The following AP3S2 variants were observed in gnomAD, a reference collection of about 807,000 sequenced individuals.
AP3S2 encodes the protein AP-3 complex subunit sigma-2.
A neutral mutation model predicts 23.4 loss-of-function variants in AP3S2; 22 were observed. The observed-to-expected ratio is 0.94, with a 90% CI of 0.67 to 1.34. AP3S2 has a LOEUF of 1.34. Ranked by LOEUF, AP3S2 falls within the 40% of genes most tolerant of loss-of-function variation. The pLI is 0.00. For synonymous variants in AP3S2, 86 were observed against 87.1 expected (o/e 0.99, Z 0.07); for missense variants, 241 against 236.9 (o/e 1.02, Z -0.11).
rs541098152 is a variant in AP3S2 at position 89,882,032 on chromosome 15, G to A, written c.273+6489C>T. ...AGACAGGGTTTCACCATGTTAGCCA[G>A]GCTGGTCTTGAACTCCTGACCTCAG... On this transcript the variant is annotated intron_variant, in intron 3 of 5. Transcript: ENST00000336418. Among the ~76,000 whole-genome samples, 150 of 152,186 alleles carry A rather than the reference G, an allele frequency of 9.9e-4. 1 individual carries two copies. Among genetic ancestry groups the A allele is most frequent in the African/African-American group, 3.5e-3 (145 of 41,524 alleles).
chr15:89,849,200 A>AT (rs1179847220), intron 4 of AP3S2, among the ~76,000 whole-genome samples: 2 of 152,222 alleles, frequency 1.3e-5, no homozygotes, highest in African/African-American at 4.8e-5. Flanking sequence ...AGACAAAACA[A>AT]TATGCATGAA....
chr15:89,875,325 T>G (rs1046120900), intron 3 of AP3S2, among the ~76,000 whole-genome samples: 2 of 152,204 alleles, frequency 1.3e-5, no homozygotes, highest in African/African-American at 4.8e-5. Context: ...CAAGATGGAC[T>G]AGCCCCAGAA....
chr15:89,865,006 A>G (rs1312490266), intron 4 of AP3S2, among the ~76,000 whole-genome samples: 1 of 152,206 alleles, frequency 6.6e-6, no homozygotes. Context: ...ATGCCAGTAC[A>G]TACCTACTAG....
At chr15:89,871,595 A>G in intron 3 of AP3S2, 49 bp from the exon 4 acceptor site, 2 of 1,586,188 alleles carry the variant, frequency 1.3e-6, no homozygotes, top group South Asian at 2.2e-5. Flanking sequence ...GAACACATTC[A>G]CAGCTTTATC....
At chr15:89,839,533 ATT>A (rs1895275509) in intron 4 of AP3S2, among the ~76,000 whole-genome samples, 2 of 152,374 alleles carry the variant, frequency 1.3e-5, no homozygotes, top group Non-Finnish European at 2.9e-5. Flanking sequence ...TGGTTTTAAA[ATT>A]ATTCCCTGGG....
intron 4 of AP3S2, among the ~76,000 whole-genome samples, chr15:89,852,192 A>C (rs1257516242): frequency 2.0e-5 from 3 of 152,178 alleles, no homozygotes; most frequent in African/African-American, 7.2e-5. Context: ...AATGGGGAGA[A>C]CCAGAGTTCT....
At chr15:89,862,998 A>G (rs1180611441) in intron 4 of AP3S2, among the ~76,000 whole-genome samples, 1 of 152,200 alleles carries the variant, frequency 6.6e-6, no homozygotes, top group Non-Finnish European at 1.5e-5. Context: ...GAGAGGTGAG[A>G]GATGACTGAC....
rs1458291294 is a variant in AP3S2 at position 89,831,214 on chromosome 15, C to T, written c.*4301G>A. On this transcript the variant is annotated 3_prime_UTR_variant, in exon 6 of 6. Coordinates refer to ENST00000336418, the MANE Select transcript of AP3S2 (RefSeq NM_005829.5). The stretch of plus-strand genomic sequence containing the variant: ...TCGTATCTGCCAACTTCCACTGAAA[C>T]ACGCAGATGGAGAACCCTCCAGTGC... 1 of 152,210 alleles carries T rather than the reference C, an allele frequency of 6.6e-6. No homozygotes were observed. Among genetic ancestry groups the T allele is most frequent in the East Asian group, 1.9e-4 (1 of 5,192 alleles). 9.4% of individuals were successfully genotyped at this position (152,210 alleles called of 1,614,324 possible).
chr15:89,856,079 G>T (rs892820175), intron 4 of AP3S2, among the ~76,000 whole-genome samples: 7 of 151,958 alleles, frequency 4.6e-5, no homozygotes, highest in Non-Finnish European at 8.8e-5. Context: ...GGTAGAGTCA[G>T]AAGCCCACAA....
rs1204790406 is a variant in AP3S2 at position 89,834,805 on chromosome 15, C to T, written c.*710G>A. 2 of 151,770 alleles carry T rather than the reference C, an allele frequency of 1.3e-5. No individual in the cohort carries two copies. Among genetic ancestry groups the T allele is most frequent in the African/African-American group, 4.9e-5 (2 of 41,220 alleles). The allele number at this position is 151,770 out of a possible 1,614,324, so 9.4% of individuals were successfully genotyped here. On this transcript the variant is annotated 3_prime_UTR_variant, in exon 6 of 6. Coordinates refer to ENST00000336418, the MANE Select transcript of AP3S2 (RefSeq NM_005829.5). ...ATCCCAGCTACTGGGGAGGCTGAGA[C>T]AGGAGAAATGCTTGAACCCGGGAAG... is the stretch of plus-strand genomic sequence containing the variant.
At chr15:89,877,315 T>C (rs1896465624) in intron 3 of AP3S2, 6 of 1,324,924 alleles carry the variant, frequency 4.5e-6, no homozygotes, top group Non-Finnish European at 6.0e-6. Flanking sequence ...CTTTTAAGGT[T>C]TGGGAACTTA....
intron 4 of AP3S2, among the ~76,000 whole-genome samples, chr15:89,842,610 ATTTATT>A (rs1038113211): frequency 4.1e-5 from 6 of 146,474 alleles, no homozygotes; most frequent in East Asian, 3.8e-4. Flanking sequence ...CAAGGACTTT[ATTTATT>A]TTTATTTTTA....
intron 4 of AP3S2, among the ~76,000 whole-genome samples, chr15:89,869,124 A>G (rs1008662880): frequency 3.9e-5 from 6 of 152,328 alleles, no homozygotes; most frequent in Admixed American, 6.5e-5. Context: ...TTTGTGGAAC[A>G]GAAAGGCGGG....
At chr15:89,876,701 A>G (rs1425302517) in intron 3 of AP3S2, 1 of 153,270 alleles carries the variant, frequency 6.5e-6, no homozygotes, top group Non-Finnish European at 1.5e-5. Context: ...AGCTGGGAGG[A>G]TGGACTAGGC....
chr15:89,856,481 A>G (rs1464882991), intron 4 of AP3S2, among the ~76,000 whole-genome samples: 1 of 151,942 alleles, frequency 6.6e-6, no homozygotes, highest in East Asian at 1.9e-4. Context: ...TGGACAGAGC[A>G]TGAGGTCAGA....
intron 3 of AP3S2, among the ~76,000 whole-genome samples, chr15:89,887,528 C>T (rs1428810545): frequency 6.6e-6 from 1 of 151,706 alleles, no homozygotes; most frequent in East Asian, 1.9e-4. Flanking sequence ...CGTGCCACTA[C>T]GCCCGGCTAA....
chr15:89,857,768 C>T (rs1250836215), intron 4 of AP3S2, among the ~76,000 whole-genome samples: 1 of 152,116 alleles, frequency 6.6e-6, no homozygotes, highest in Non-Finnish European at 1.5e-5. Context: ...CATGAAAAAA[C>T]CATGGTCATC....
At chr15:89,855,579 T>C (rs2141858268) in intron 4 of AP3S2, among the ~76,000 whole-genome samples, 1 of 142,946 alleles carries the variant, frequency 7.0e-6, no homozygotes, top group Non-Finnish European at 1.5e-5. Flanking sequence ...CCAGCTGTGG[T>C]GGCTCACGAC....
chr15:89,862,366 G>A (rs1166980620), intron 4 of AP3S2, among the ~76,000 whole-genome samples: 5 of 152,124 alleles, frequency 3.3e-5, no homozygotes, highest in Non-Finnish European at 1.5e-5. Flanking sequence ...TAATTGTGTT[G>A]TGCATCATTA....
Sources: allele counts gnomAD v4.1 joint callset (sites outside exome capture counted in the v4.1 genomes callset), GRCh38; gene constraint gnomAD v4.1.1; transcripts MANE v1.5; gene names NCBI Gene and HGNC (gene_info 2026-07-23, HGNC 2026-07-21).